Variants in ATP11A observed in about 807,000 individuals in gnomAD.
The protein encoded by ATP11A is phospholipid-transporting ATPase IH.
Under a neutral mutation model 154.4 loss-of-function variants are expected in ATP11A, and 81 were observed. The ratio of observed to expected loss-of-function variants is 0.52; its 90% CI spans 0.44 to 0.63. ATP11A has a LOEUF of 0.63. Ranked by LOEUF, ATP11A falls within the 30% of genes least tolerant of loss-of-function variation. The pLI, the probability that ATP11A is intolerant of heterozygous loss-of-function variation, is 0.00. For missense variants in ATP11A, 1,316 were observed against 1,474.3 expected (o/e 0.89, Z 1.76); for synonymous variants, 623 against 585.9 (o/e 1.06, Z -0.91).
intron 29 of ATP11A, chr13:112,881,229 C>T (rs1163490651): frequency 3.0e-6 from 3 of 989,534 alleles, no homozygotes; most frequent in Admixed American, 5.9e-5. Context: ...TGCCGCTCCC[C>T]TTGCTGGTCA....
chr13:112,801,736 C>T (rs1272777379), intron 2 of ATP11A, among the ~76,000 whole-genome samples: 2 of 152,160 alleles, frequency 1.3e-5, no homozygotes, highest in Non-Finnish European at 2.9e-5. Context: ...AAGATATGTA[C>T]AAGGTCTAGG....
chr13:112,843,379 C>T (rs1194268549), intron 17 of ATP11A, among the ~76,000 whole-genome samples: 1 of 152,188 alleles, frequency 6.6e-6, no homozygotes, highest in Non-Finnish European at 1.5e-5. Flanking sequence ...CTGCTTTGTC[C>T]CACGGTGTCT....
At chr13:112,765,015 C>T (rs1048951895) in intron 1 of ATP11A, among the ~76,000 whole-genome samples, 2 of 152,182 alleles carry the variant, frequency 1.3e-5, no homozygotes, top group African/African-American at 4.8e-5. Flanking sequence ...GCCTCCCCAC[C>T]GCACGCTTTT....
chr13:112,876,972 G>A (rs78723282), intron 28 of ATP11A, among the ~76,000 whole-genome samples: 7 of 152,218 alleles, frequency 4.6e-5, no homozygotes, highest in Non-Finnish European at 8.8e-5. Context: ...CATTGGTGCC[G>A]ATTTGAAATG....
intron 8 of ATP11A, among the ~76,000 whole-genome samples, chr13:112,820,197 TCA>T (rs1487737352): frequency 6.6e-6 from 1 of 152,218 alleles, no homozygotes; most frequent in Non-Finnish European, 1.5e-5. Context: ...GAGGGTCGTC[TCA>T]CAGGCCAGGA....
chr13:112,832,182 C>G lies in ATP11A; in HGVS notation c.1395+634C>G, dbSNP rs2079112981. Among the ~76,000 whole-genome samples the G allele has an allele frequency of 3.9e-5, 6 of 152,354 alleles. No homozygotes were observed. The South Asian group carries it at 1.2e-3, about 32-fold the overall frequency. ...CACACACGCCCCAAATGCCGTGGCTCCAGATCTCAGCATCTCTGGGCAGGG... is the reference window on the plus strand; with the variant it reads ...CACACACGCCCCAAATGCCGTGGCTGCAGATCTCAGCATCTCTGGGCAGGG... On this transcript the variant is annotated intron_variant, in intron 13 of 29. Coordinates refer to ENST00000375645, the MANE Select transcript of ATP11A (RefSeq NM_015205.3).
At chr13:112,868,686 T>C (rs1204481707) in intron 25 of ATP11A, among the ~76,000 whole-genome samples, 1 of 152,164 alleles carries the variant, frequency 6.6e-6, no homozygotes, top group African/African-American at 2.4e-5. Context: ...CAGAATCTGA[T>C]GGAAATAACG....
intron 1 of ATP11A, among the ~76,000 whole-genome samples, chr13:112,781,783 G>GAAAA (rs1594669245): frequency 2.6e-5 from 1 of 38,684 alleles, no homozygotes. Flanking sequence ...CTTTCACTTT[G>GAAAA]CAAAAAAAAA....
intron 2 of ATP11A, among the ~76,000 whole-genome samples, chr13:112,790,263 G>C (rs1274576611): frequency 2.0e-5 from 3 of 151,710 alleles, no homozygotes; most frequent in Non-Finnish European, 4.4e-5. Context: ...CCGGCATCTT[G>C]ACATGTAGAC....
Position 112,788,792 on chromosome 13 carries a change from T to C in ATP11A, c.162+3535T>C, listed in dbSNP as rs903706264. On this transcript the variant is annotated intron_variant, in intron 2 of 29. Transcript: ENST00000375645. ...GGGTGTCCTGGCGTGTAAACCCCTG[T>C]GTAGATCTACTTAATTCACACCCAG... is the stretch of plus-strand genomic sequence containing the variant. Among the ~76,000 whole-genome samples, 15 of 151,554 alleles carry C rather than the reference T, an allele frequency of 9.9e-5. 1 individual carries two copies. The highest frequency in any genetic ancestry group is 2.6e-4 in the Admixed American group (4 of 15,234).
chr13:112,881,456 C>G (rs143437437), intron 29 of ATP11A: 2 of 1,072,346 alleles, frequency 1.9e-6, no homozygotes, highest in Non-Finnish European at 2.3e-6. Context: ...GTATGGCGTT[C>G]GAGCTCACTG....
Position 112,716,583 on chromosome 13 carries a change from C to T in ATP11A, c.39+26128C>T, listed in dbSNP as rs191914856. ...GGGCGTTCCCCACCTTCCACTGTGCCGGTCTTCATGCAGGGCCAGAGCCTG... is the reference window on the plus strand; with the variant it reads ...GGGCGTTCCCCACCTTCCACTGTGCTGGTCTTCATGCAGGGCCAGAGCCTG... On this transcript the variant is annotated intron_variant, in intron 1 of 29. Coordinates refer to ENST00000375645, the MANE Select transcript of ATP11A (RefSeq NM_015205.3). Among the ~76,000 whole-genome samples, 131 of 152,282 alleles carry T rather than the reference C, an allele frequency of 8.6e-4. 1 individual carries two copies. Among genetic ancestry groups the T allele is most frequent in the African/African-American group, 2.9e-3 (119 of 41,554 alleles).
At chr13:112,829,479 A>T (rs781647795) in intron 12 of ATP11A, among the ~76,000 whole-genome samples, 5 of 152,360 alleles carry the variant, frequency 3.3e-5, no homozygotes, top group Non-Finnish European at 5.9e-5. Context: ...ATTATCTGTG[A>T]TGCAGAAAAG....
intron 12 of ATP11A, among the ~76,000 whole-genome samples, chr13:112,831,155 C>G (rs2079072910): frequency 6.6e-6 from 1 of 152,206 alleles, no homozygotes; most frequent in Non-Finnish European, 1.5e-5. Context: ...TGAATTGCAC[C>G]TGCCAGGACT....
At chr13:112,841,339 C>T (rs2079410828) in intron 16 of ATP11A, among the ~76,000 whole-genome samples, 2 of 147,532 alleles carry the variant, frequency 1.4e-5, no homozygotes, top group Admixed American at 1.3e-4. Context: ...AGGGATGCTT[C>T]AGGTGTAGAG....
chr13:112,745,906 C>G (rs1290014172), intron 1 of ATP11A: 1 of 152,216 alleles, frequency 6.6e-6, no homozygotes, highest in Non-Finnish European at 1.5e-5. Flanking sequence ...GCCTCTGGGC[C>G]GTTAAACTAG....
intron 1 of ATP11A, among the ~76,000 whole-genome samples, chr13:112,722,298 G>T (rs1205055194): frequency 9.4e-5 from 14 of 148,150 alleles, no homozygotes; most frequent in African/African-American, 3.2e-4. Context: ...GGGGAGGAGG[G>T]TGGGCCCGGG....
At chr13:112,833,486 A>G (rs1302038595) in intron 14 of ATP11A, among the ~76,000 whole-genome samples, 1 of 152,164 alleles carries the variant, frequency 6.6e-6, no homozygotes, top group Non-Finnish European at 1.5e-5. Context: ...GCTTGGAAAA[A>G]TACTTTAAAC....
chr13:112,806,120 C>T (rs2078316273), intron 3 of ATP11A, 93 bp from the exon 4 acceptor site: 7 of 867,418 alleles, frequency 8.1e-6, no homozygotes, highest in South Asian at 3.1e-5. Flanking sequence ...TAAGTCAAAG[C>T]GAATGGGAAG....
Sources: allele counts gnomAD v4.1 joint callset (sites outside exome capture counted in the v4.1 genomes callset), GRCh38; gene constraint gnomAD v4.1.1; transcripts MANE v1.5; gene names NCBI Gene and HGNC (gene_info 2026-07-23, HGNC 2026-07-21).